Variants in COL9A1 observed in about 807,000 individuals in gnomAD.
The protein encoded by COL9A1 is collagen alpha-1(IX) chain.
A neutral mutation model predicts 142.6 loss-of-function variants in COL9A1; 104 were observed. The ratio of observed to expected loss-of-function variants is 0.73; its 90% CI spans 0.62 to 0.86. The LOEUF (loss-of-function observed/expected upper bound fraction) is 0.86, where lower values mean the gene tolerates loss of function less well. COL9A1 is among the 40% of genes least tolerant of loss of function. The pLI, the probability that COL9A1 is intolerant of heterozygous loss-of-function variation, is 0.00. For synonymous variants in COL9A1, 466 were observed against 396.0 expected (o/e 1.18, Z -2.10); for missense variants, 1,210 against 1,176.6 (o/e 1.03, Z -0.42).
intron 10 of COL9A1, chr6:70,280,427 G>A (rs1443974364): frequency 8.3e-7 from 1 of 1,199,728 alleles, no homozygotes; most frequent in African/African-American, 1.5e-5. Flanking sequence ...TAGCTTCCAG[G>A]AGCCTGCCAG....
At chr6:70,265,445 A>G (rs960311799) in intron 18 of COL9A1, among the ~76,000 whole-genome samples, 3 of 150,994 alleles carry the variant, frequency 2.0e-5, no homozygotes, top group Non-Finnish European at 4.4e-5. Flanking sequence ...GTAGTTAACT[A>G]CTACTCTATT....
intron 31 of COL9A1, 63 bp downstream of exon 31, chr6:70,241,356 C>T (rs766106122): frequency 2.5e-5 from 33 of 1,328,750 alleles, no homozygotes; most frequent in Middle Eastern, 1.8e-4. Flanking sequence ...GCCATTCCCC[C>T]TTGCTTGTGA....
At chr6:70,297,908 T>A (rs1773905475) in intron 4 of COL9A1, among the ~76,000 whole-genome samples, 1 of 151,984 alleles carries the variant, frequency 6.6e-6, no homozygotes, top group African/African-American at 2.4e-5. Context: ...ATAGAAAAGA[T>A]AAATAAGGAT....
chr6:70,239,169 G>T, intron 33 of COL9A1, 85 bp downstream of exon 33: 1 of 920,576 alleles, frequency 1.1e-6, no homozygotes. Flanking sequence ...GTTACATAAT[G>T]ATTTCATAAA....
chr6:70,274,398 T>C (rs747083342), intron 11 of COL9A1, among the ~76,000 whole-genome samples: 6 of 152,054 alleles, frequency 3.9e-5, no homozygotes, highest in Non-Finnish European at 5.9e-5. Flanking sequence ...GTGTGTGTTG[T>C]TCCCCTTCAT....
chr6:70,218,689 C>A (rs12201251), intron 37 of COL9A1, among the ~76,000 whole-genome samples: 1 of 151,884 alleles, frequency 6.6e-6, no homozygotes, highest in Non-Finnish European at 1.5e-5. Context: ...TTTCAGTTGT[C>A]TTTTTATATG....
chr6:70,222,146 A>T (rs1199213438), intron 37 of COL9A1, among the ~76,000 whole-genome samples: 1 of 152,200 alleles, frequency 6.6e-6, no homozygotes, highest in Non-Finnish European at 1.5e-5. Context: ...TGAATTTAAG[A>T]GTCTGTATTT....
chr6:70,230,815 T>C (rs1315751791), intron 36 of COL9A1, among the ~76,000 whole-genome samples: 1 of 152,236 alleles, frequency 6.6e-6, no homozygotes, highest in Non-Finnish European at 1.5e-5. Context: ...TCAGTGGTTT[T>C]AAGCTCCTCA....
chr6:70,288,941 A>T (rs1431123947), intron 5 of COL9A1, among the ~76,000 whole-genome samples: 4 of 152,106 alleles, frequency 2.6e-5, no homozygotes, highest in Non-Finnish European at 4.4e-5. Flanking sequence ...TTTCACCACC[A>T]CCTAAAATAA....
At chr6:70,289,256 A>G (rs952603078) in intron 5 of COL9A1, among the ~76,000 whole-genome samples, 1 of 152,190 alleles carries the variant, frequency 6.6e-6, no homozygotes, top group Non-Finnish European at 1.5e-5. Flanking sequence ...GTCTTAGCCC[A>G]TGTATATTTT....
In COL9A1 at chr6:70,281,333, AAAG is replaced by A. The variant is rs1399374330; in HGVS notation, c.876+54_876+56del. 1.9e-6 allele frequency: 3 copies of A among 1,539,456 alleles called. No homozygotes were observed. The East Asian group carries it at 6.7e-5, about 35-fold the overall frequency. ...AAAAAACCCCACAGGAGCCCTGGGA[AAAG>A]AATAGGAAAGGGCAGGACTGGGGAA... On this transcript the variant is annotated intron_variant, in intron 8 of 37. Coordinates refer to ENST00000357250, the MANE Select transcript of COL9A1 (RefSeq NM_001851.6).
intron 37 of COL9A1, among the ~76,000 whole-genome samples, chr6:70,219,797 T>C (rs1040512399): frequency 6.6e-5 from 10 of 152,210 alleles, no homozygotes; most frequent in Admixed American, 5.2e-4. Flanking sequence ...TATCTCCCAA[T>C]GTTTAAATGT....
In COL9A1 at chr6:70,302,027, G is replaced by A; in HGVS notation, c.62C>T (p.Ala21Val). 6.2e-7 allele frequency: 1 copy of A among 1,611,752 alleles called. No homozygotes were observed. Among genetic ancestry groups the A allele is most frequent in the Non-Finnish European group, 8.5e-7 (1 of 1,179,108 alleles). Residue 21 changes from alanine (A) to valine (V), a missense_variant, in exon 2 of 38, where the codon GCA becomes GTA. Ala to Val is a moderately conservative substitution (Grantham distance 64). Coordinates refer to ENST00000357250, the MANE Select transcript of COL9A1 (RefSeq NM_001851.6). ...GGGGCGACGCTTGACAGCTGCAGAT[G>A]CCCAGGGTTCCAGGAAACTGCACAC... The part of the protein sequence containing the change: ...FFVCSFLEPW[A>V]SAAVKRRPRF...
chr6:70,221,194 A>T (rs189582297), intron 37 of COL9A1, among the ~76,000 whole-genome samples: 2 of 152,272 alleles, frequency 1.3e-5, no homozygotes, highest in East Asian at 1.9e-4. Context: ...CGGCTGGATC[A>T]TTCTGGAGGC....
chr6:70,297,236 G>A (rs1773879111), intron 4 of COL9A1, among the ~76,000 whole-genome samples: 1 of 152,048 alleles, frequency 6.6e-6, no homozygotes, highest in African/African-American at 2.4e-5. Flanking sequence ...ATGATGGAGG[G>A]TAGGTTTGAG....
intron 28 of COL9A1, among the ~76,000 whole-genome samples, chr6:70,243,331 A>G (rs1040817715): frequency 6.6e-6 from 1 of 152,222 alleles, no homozygotes; most frequent in Non-Finnish European, 1.5e-5. Context: ...AGTAGAACTT[A>G]TAACGAAGAT....
chr6:70,222,901 A>C (rs9360416), intron 37 of COL9A1: 47,031 of 152,060 alleles, frequency 0.31, 8,009 homozygotes, highest in Middle Eastern at 0.46. Flanking sequence ...ATCCTTTTGA[A>C]GTTTCATCAG....
At chr6:70,269,217 C>G (rs1772236730) in intron 16 of COL9A1, among the ~76,000 whole-genome samples, 1 of 152,166 alleles carries the variant, frequency 6.6e-6, no homozygotes, top group East Asian at 1.9e-4. Flanking sequence ...ATTTCCCCTT[C>G]CCATTCCACT....
chr6:70,295,218 T>C (rs1773805741), intron 4 of COL9A1, among the ~76,000 whole-genome samples: 1 of 151,158 alleles, frequency 6.6e-6, no homozygotes, highest in Non-Finnish European at 1.5e-5. Flanking sequence ...AGTTTGACAC[T>C]GGATATGTGG....
Sources: gnomAD v4.1 joint callset for allele counts (sites outside exome capture counted in the v4.1 genomes callset) on GRCh38, gnomAD v4.1.1 for gene constraint, MANE v1.5 for transcripts, NCBI Gene and HGNC (gene_info 2026-07-23, HGNC 2026-07-21) for gene names.